ATP2B2: variants seen among roughly 807,000 people sequenced by gnomAD.
The protein encoded by ATP2B2 is plasma membrane calcium-transporting ATPase 2.
ATP2B2 carries 15 observed loss-of-function variants against 120.0 expected under a neutral mutation model. The observed-to-expected ratio is 0.12, with a 90% CI of 0.08 to 0.19. The LOEUF (loss-of-function observed/expected upper bound fraction) is 0.19. Among genes scored for constraint, ATP2B2 ranks in the 10% least tolerant of loss-of-function variants. The pLI is 1.00. For missense variants in ATP2B2, 1,045 were observed against 1,719.8 expected, an observed-to-expected ratio of 0.61 and a Z score of 6.94; for synonymous variants, 694 against 700.3, an observed-to-expected ratio of 0.99 and a Z score of 0.14.
Position 10,385,276 on chromosome 3 carries a change from A to G in ATP2B2, c.992T>C (p.Leu331Pro), listed in dbSNP as rs754089404. 6 of 1,613,644 alleles carry G rather than the reference A, an allele frequency of 3.7e-6. No individual in the cohort carries two copies. Among genetic ancestry groups the G allele is most frequent in the South Asian group, 3.3e-5 (3 of 91,054 alleles). The stretch of plus-strand genomic sequence containing the variant: ...CGCCGTGGGAGACATACCATTGACT[A>G]GGCTGGCATTCGCACTATCTGCAGC... ...SNAADSANAS[L>P]VNGKMQDGNV... Residue 331 changes from leucine to proline, a missense_variant, in exon 8 of 23, where the codon CTA becomes CCA. Coordinates refer to ENST00000360273, the MANE Select transcript of ATP2B2 (RefSeq NM_001001331.4).
At chr3:10,503,468 A>G (rs1432266721) in intron 1 of ATP2B2, among the ~76,000 whole-genome samples, 2 of 152,158 alleles carry the variant, frequency 1.3e-5, no homozygotes, top group Non-Finnish European at 2.9e-5. Context: ...CCCTCCCCCA[A>G]CGCCTGTGTG....
chr3:10,483,225 A>C (rs1028511473), intron 1 of ATP2B2, among the ~76,000 whole-genome samples: 1 of 152,214 alleles, frequency 6.6e-6, no homozygotes, highest in Non-Finnish European at 1.5e-5. Context: ...AACTGGTAGG[A>C]TAGGTGTGAC....
chr3:10,660,424 C>G (rs142087920), intron 1 of ATP2B2, among the ~76,000 whole-genome samples: 1 of 151,998 alleles, frequency 6.6e-6, no homozygotes, highest in East Asian at 1.9e-4. Context: ...ATATCACCAG[C>G]GATCCCACAG....
At chr3:10,582,879 C>T (rs745413798) in intron 2 of ATP2B2, among the ~76,000 whole-genome samples, 17 of 152,240 alleles carry the variant, frequency 1.1e-4, no homozygotes, top group Admixed American at 2.0e-4. Context: ...ATGCATTCTG[C>T]ATCTACCAGC....
At chr3:10,613,602 G>T (rs1352258371) in intron 2 of ATP2B2, among the ~76,000 whole-genome samples, 1 of 152,126 alleles carries the variant, frequency 6.6e-6, no homozygotes, top group African/African-American at 2.4e-5. Context: ...CTCACCCCCA[G>T]TGTGAGACTA....
intron 1 of ATP2B2, among the ~76,000 whole-genome samples, chr3:10,681,607 C>T (rs137972340): frequency 2.0e-5 from 3 of 152,350 alleles, no homozygotes; most frequent in Non-Finnish European, 4.4e-5. Flanking sequence ...GAAAAACAGA[C>T]TTCACAACAG....
intron 1 of ATP2B2, among the ~76,000 whole-genome samples, chr3:10,483,739 T>A (rs1473497001): frequency 6.6e-6 from 1 of 152,118 alleles, no homozygotes; most frequent in Non-Finnish European, 1.5e-5. Flanking sequence ...TCCATGGTGA[T>A]GGAAAAGACC....
intron 2 of ATP2B2, among the ~76,000 whole-genome samples, chr3:10,596,276 AG>A (rs1467202369): frequency 2.0e-5 from 3 of 152,224 alleles, no homozygotes; most frequent in African/African-American, 7.2e-5. Flanking sequence ...GAGTTGATTT[AG>A]TAGTGCATTT....
chr3:10,583,869 C>T lies in ATP2B2; in HGVS notation c.-415+36048G>A, dbSNP rs571296495. Among the ~76,000 whole-genome samples the T allele has an allele frequency of 1.1e-3, 162 of 152,294 alleles. 1 individual carries two copies. The highest frequency in any genetic ancestry group is 1.5e-3 in the Non-Finnish European group (105 of 68,028). On this transcript the variant is annotated intron_variant, in intron 2 of 21. Coordinates refer to the ATP2B2 transcript ENST00000646379. ...GGGGCTGGGAGAGAGTTACATGGGA[C>T]ACTGATCTCCCGCCATCAGAAACAA... is the stretch of plus-strand genomic sequence containing the variant.
intron 2 of ATP2B2, among the ~76,000 whole-genome samples, chr3:10,596,324 G>A (rs994935330): frequency 2.0e-5 from 3 of 152,328 alleles, no homozygotes; most frequent in African/African-American, 7.2e-5. Context: ...TTCTATGAGG[G>A]CAGGGACTCT....
chr3:10,360,972 T>C (rs2060881892), intron 12 of ATP2B2, among the ~76,000 whole-genome samples: 1 of 152,172 alleles, frequency 6.6e-6, no homozygotes, highest in Non-Finnish European at 1.5e-5. Context: ...GTTTCCAAGC[T>C]TTCATCATTT....
rs2062590039 is a variant in ATP2B2 at position 10,410,930 on chromosome 3, C to G, written c.200-115G>C. On this transcript the variant is annotated intron_variant, in intron 2 of 22. Coordinates refer to ENST00000360273, the MANE Select transcript of ATP2B2 (RefSeq NM_001001331.4). ...GCAAGAAACTTGCTGGTGGCTGGCC[C>G]AGGAGCCCAACATCTCTTCATGCTT... is the stretch of plus-strand genomic sequence containing the variant. 5 of 1,284,028 alleles carry G rather than the reference C, an allele frequency of 3.9e-6. No individual in the cohort carries two copies. The African/African-American group carries it at 5.8e-5, about 15-fold the overall frequency. The allele number at this position is 1,284,028 out of a possible 1,614,324, so 79.5% of individuals were successfully genotyped here.
At chr3:10,464,158 C>T (rs564562121) in intron 1 of ATP2B2, among the ~76,000 whole-genome samples, 27 of 152,324 alleles carry the variant, frequency 1.8e-4, no homozygotes, top group African/African-American at 3.8e-4. Flanking sequence ...ACTGCGGAGA[C>T]GAACAGAATC....
Position 10,347,433 on chromosome 3 carries a change from T to C in ATP2B2, c.2405-1296A>G, listed in dbSNP as rs2060460868. Among the ~76,000 whole-genome samples the C allele has an allele frequency of 6.6e-6, 1 of 152,232 alleles. No individual in the cohort carries two copies. Among genetic ancestry groups the C allele is most frequent in the African/African-American group, 2.4e-5 (1 of 41,464 alleles). On this transcript the variant is annotated intron_variant, in intron 16 of 22. Coordinates refer to ENST00000360273, the MANE Select transcript of ATP2B2 (RefSeq NM_001001331.4). This position sits in a 1 kb window ranked among gnomAD's most constrained non-coding sequence, Gnocchi z 5.2. ...CTTGCGCATCTCTCTGCTCTGTGCC[T>C]AGCAGACGGCAGCAGCCTGTGGAAT...
At chr3:10,625,217 G>C (rs2069662634) in intron 1 of ATP2B2, among the ~76,000 whole-genome samples, 1 of 152,338 alleles carries the variant, frequency 6.6e-6, no homozygotes, top group African/African-American at 2.4e-5. Flanking sequence ...GGGTACTTAA[G>C]GCATTGGCCT....
chr3:10,534,898 G>GTTT (rs59467255), intron 2 of ATP2B2, among the ~76,000 whole-genome samples: 92 of 87,708 alleles, frequency 1.0e-3, no homozygotes, highest in East Asian at 1.4e-3. Flanking sequence ...CATTTATTTG[G>GTTT]TTTTTTTTTT....
intron 2 of ATP2B2, among the ~76,000 whole-genome samples, chr3:10,534,807 A>T (rs993933634): frequency 2.0e-5 from 3 of 152,086 alleles, no homozygotes; most frequent in African/African-American, 7.2e-5. Flanking sequence ...AACGCCCGAC[A>T]AACAGCAGCA....
chr3:10,344,695 C>A (rs181063702), intron 18 of ATP2B2, among the ~76,000 whole-genome samples: 2 of 152,320 alleles, frequency 1.3e-5, no homozygotes, highest in Admixed American at 1.3e-4. Flanking sequence ...GGTCCCTGGC[C>A]AGTCCATCCT....
intron 1 of ATP2B2, among the ~76,000 whole-genome samples, chr3:10,674,455 G>A (rs1201527055): frequency 6.6e-5 from 10 of 152,164 alleles, no homozygotes; most frequent in Non-Finnish European, 1.5e-4. Flanking sequence ...AAAGACCTAG[G>A]TGACTCATGA....
Sources: gnomAD v4.1 joint callset for allele counts (sites outside exome capture counted in the v4.1 genomes callset) on GRCh38, gnomAD v4.1.1 for gene constraint, Gnocchi (gnomAD v3.1) non-coding constraint, MANE v1.5 for transcripts, NCBI Gene and HGNC (gene_info 2026-07-23, HGNC 2026-07-21) for gene names.